The following CADM1 variants were observed in gnomAD, a reference collection of about 807,000 sequenced individuals.
The protein encoded by CADM1 is cell adhesion molecule 1.
CADM1 carries 15 observed loss-of-function variants against 53.1 expected under a neutral mutation model. The observed-to-expected ratio is 0.28, with a 90% CI of 0.19 to 0.44. The LOEUF is 0.44. Ranked by LOEUF, CADM1 falls within the 20% of genes least tolerant of loss-of-function variation. The pLI is 1.00. For missense variants in CADM1, 434 were observed against 611.3 expected (o/e 0.71, Z 3.06); for synonymous variants, 281 against 243.0 (o/e 1.16, Z -1.45).
chr11:115,460,767 A>G (rs1284193578), intron 1 of CADM1, among the ~76,000 whole-genome samples: 1 of 150,878 alleles, frequency 6.6e-6, no homozygotes, highest in African/African-American at 2.4e-5. Flanking sequence ...TATACTGCCT[A>G]TGCACTAGAA....
chr11:115,301,440 G>C (rs1944218372), intron 1 of CADM1, among the ~76,000 whole-genome samples: 1 of 151,762 alleles, frequency 6.6e-6, no homozygotes, highest in Admixed American at 6.6e-5. Context: ...CTTACTTGAA[G>C]TCAAAACAAA....
intron 1 of CADM1, among the ~76,000 whole-genome samples, chr11:115,442,142 C>T (rs931882139): frequency 2.0e-5 from 3 of 151,620 alleles, no homozygotes; most frequent in African/African-American, 4.8e-5. Context: ...AGGGCATGCA[C>T]AGTCAAGGAT....
chr11:115,381,609 A>G (rs1946581826), intron 1 of CADM1, among the ~76,000 whole-genome samples: 1 of 152,184 alleles, frequency 6.6e-6, no homozygotes, highest in Admixed American at 6.5e-5. Context: ...TTATGTATAA[A>G]ATGGAGACAT....
intron 3 of CADM1, among the ~76,000 whole-genome samples, chr11:115,233,054 C>T (rs1225116309): frequency 6.6e-6 from 1 of 152,152 alleles, no homozygotes; most frequent in Non-Finnish European, 1.5e-5. Context: ...TGAATTGGAG[C>T]AGTTGAAAAT....
chr11:115,502,544 G>C (rs1949751923), intron 1 of CADM1, among the ~76,000 whole-genome samples: 1 of 151,662 alleles, frequency 6.6e-6, no homozygotes, highest in Non-Finnish European at 1.5e-5. Flanking sequence ...CACCGGCATC[G>C]GCTGAACCCA....
intron 1 of CADM1, among the ~76,000 whole-genome samples, chr11:115,308,211 T>TATATATACACAC (rs139012671): frequency 4.5e-4 from 63 of 139,420 alleles, no homozygotes; most frequent in Middle Eastern, 3.6e-3. Flanking sequence ...TATATATATA[T>TATATATACACAC]ACACACCTAT....
chr11:115,395,354 T>C (rs1478332411), intron 1 of CADM1, among the ~76,000 whole-genome samples: 2 of 151,778 alleles, frequency 1.3e-5, no homozygotes, highest in South Asian at 2.1e-4. Context: ...AAGGAAAGAG[T>C]TGGGAAAAAA....
chr11:115,332,698 C>T (rs1198443773), intron 1 of CADM1, among the ~76,000 whole-genome samples: 1 of 152,132 alleles, frequency 6.6e-6, no homozygotes, highest in African/African-American at 2.4e-5. Flanking sequence ...TTAACCCATC[C>T]TTTGCTTGAC....
intron 1 of CADM1, among the ~76,000 whole-genome samples, chr11:115,421,582 G>A (rs918894980): frequency 6.6e-6 from 1 of 152,160 alleles, no homozygotes. Context: ...CATACAAAAT[G>A]CAAACATTTT....
chr11:115,404,343 AAAAATAT>A (rs1411734248), intron 1 of CADM1, among the ~76,000 whole-genome samples: 3 of 39,874 alleles, frequency 7.5e-5, no homozygotes, highest in African/African-American at 2.5e-4. Flanking sequence ...AAAAAAAAAA[AAAAATAT>A]ATATATATAT....
chr11:115,175,695 G>T lies in CADM1; in HGVS notation c.*779C>A, dbSNP rs1166224310. 48 of 987,768 alleles carry T rather than the reference G, an allele frequency of 4.9e-5. No homozygotes were observed. Among genetic ancestry groups the T allele is most frequent in the Non-Finnish European group, 5.4e-5 (45 of 831,530 alleles). 61.2% of individuals were successfully genotyped at this position (987,768 alleles called of 1,614,324 possible). A position where few individuals can be genotyped will look rare whatever the true frequency, so the allele number is the denominator to read the frequency against. On this transcript the variant is annotated 3_prime_UTR_variant, in exon 12 of 12. Coordinates refer to ENST00000331581, the MANE Select transcript of CADM1 (RefSeq NM_001301043.2). ...CTATACTGAGCCGTCTACAGATACA[G>T]AATTAAAGACAGTGAAATTCAATCT...
chr11:115,329,738 C>T (rs911342327), intron 1 of CADM1, among the ~76,000 whole-genome samples: 2 of 152,080 alleles, frequency 1.3e-5, no homozygotes, highest in Non-Finnish European at 2.9e-5. Context: ...TCAGGTCACA[C>T]AGACAAACTG....
chr11:115,413,625 G>A (rs1207874869), intron 1 of CADM1, among the ~76,000 whole-genome samples: 2 of 147,550 alleles, frequency 1.4e-5, no homozygotes, highest in Non-Finnish European at 3.0e-5. Flanking sequence ...ATCCCAGGGA[G>A]TGTGGCTCCA....
At chr11:115,454,488 G>A (rs1004440162) in intron 1 of CADM1, among the ~76,000 whole-genome samples, 1 of 152,172 alleles carries the variant, frequency 6.6e-6, no homozygotes. Flanking sequence ...AACATTTCAT[G>A]TTTACTGTAG....
chr11:115,205,290 C>T (rs192750141), intron 8 of CADM1, among the ~76,000 whole-genome samples: 12 of 152,292 alleles, frequency 7.9e-5, no homozygotes, highest in African/African-American at 2.6e-4. Context: ...AAGGGAAACA[C>T]AACATGCTTT....
At chr11:115,457,301 T>C (rs1948701926) in intron 1 of CADM1, among the ~76,000 whole-genome samples, 1 of 152,162 alleles carries the variant, frequency 6.6e-6, no homozygotes, top group East Asian at 1.9e-4. Context: ...GCTCGATAAG[T>C]CGAATCTGGT....
At chr11:115,390,487 C>T (rs1043631084) in intron 1 of CADM1, among the ~76,000 whole-genome samples, 1 of 151,474 alleles carries the variant, frequency 6.6e-6, no homozygotes, top group African/African-American at 2.4e-5. Flanking sequence ...AGGAGAAAAG[C>T]AGGGGAGAGA....
intron 1 of CADM1, among the ~76,000 whole-genome samples, chr11:115,440,330 C>T: frequency 6.6e-6 from 1 of 152,204 alleles, no homozygotes; most frequent in Non-Finnish European, 1.5e-5. Flanking sequence ...TATTCCCACT[C>T]GATGCTAAGC....
intron 8 of CADM1, among the ~76,000 whole-genome samples, chr11:115,206,754 A>ACTT (rs1565297410): frequency 9.7e-3 from 65 of 6,700 alleles, no homozygotes; most frequent in African/African-American, 0.014. Flanking sequence ...ATGACTGTGG[A>ACTT]CTTCTTTTTT....
Sources: allele counts gnomAD v4.1 joint callset (sites outside exome capture counted in the v4.1 genomes callset), GRCh38; gene constraint gnomAD v4.1.1; transcripts MANE v1.5; gene names NCBI Gene and HGNC (gene_info 2026-07-23, HGNC 2026-07-21).